NAGLU: variants seen among roughly 807,000 people sequenced by gnomAD.
NAGLU encodes alpha-N-acetylglucosaminidase.
In NAGLU, 34 loss-of-function variants were observed where a neutral mutation model predicts 43.4. That is an observed-to-expected ratio of 0.78 (90% CI 0.60 to 1.04). The LOEUF (loss-of-function observed/expected upper bound fraction) is 1.04, where lower values mean the gene tolerates loss of function less well. Ranked by LOEUF, NAGLU falls within the 50% of genes least tolerant of loss-of-function variation. NAGLU has a pLI of 0.00. For missense variants in NAGLU, 910 were observed against 993.7 expected, an observed-to-expected ratio of 0.92 and a Z score of 1.13; for synonymous variants, 425 against 437.6, an observed-to-expected ratio of 0.97 and a Z score of 0.36.
rs2092913518 is a variant in NAGLU, at chr17:42,538,600, C to T, written c.679-70C>T. On this transcript the variant is annotated intron_variant, in intron 3 of 5. Transcript: ENST00000225927. ...AACTGAGGCGGGGGGCTGCGTGTAT[C>T]CTGGGAGATGAGGGCCTTCTCATAG... 9.3e-6 allele frequency: 15 copies of T among 1,612,372 alleles called. No homozygotes were observed. In the Admixed American group the frequency reaches 2.2e-4, roughly 23 times the overall value.
In NAGLU at chr17:42,538,296, A is replaced by T. The variant is rs746923606; in HGVS notation, c.532-43A>T. On this transcript the variant is annotated intron_variant, in intron 2 of 5. Coordinates refer to ENST00000225927, the MANE Select transcript of NAGLU (RefSeq NM_000263.4). ...GGTTGTTGAATGAATGAATGAATGA[A>T]TGAAGATGAATATATTTCTATGTGT... 5.0e-6 allele frequency: 8 copies of T among 1,613,494 alleles called. 1 individual carries two copies. Among genetic ancestry groups the T allele is most frequent in the South Asian group, 4.4e-5 (4 of 91,068 alleles).
At position 42,540,524 on chromosome 17, in the gene NAGLU, G is replaced by A. The variant is rs142744739; in HGVS notation, c.765-426G>A. ...ATCCTGGCTAACACAGTGAAACTCA[G>A]TCTCTACTAAAAATACAAAAAATTA... is the stretch of plus-strand genomic sequence containing the variant. On this transcript the variant is annotated intron_variant, in intron 4 of 5. Coordinates refer to ENST00000225927, the MANE Select transcript of NAGLU (RefSeq NM_000263.4). Among the ~76,000 whole-genome samples, 437 of 151,722 alleles carry A rather than the reference G, an allele frequency of 2.9e-3. 1 individual carries two copies. The highest frequency in any genetic ancestry group is 5.0e-3 in the South Asian group (24 of 4,782).
intron 1 of NAGLU, chr17:42,536,864 C>T: frequency 2.9e-6 from 3 of 1,020,562 alleles, no homozygotes; most frequent in Non-Finnish European, 4.0e-6. Context: ...GCCTACCGTG[C>T]AGTGTTATTG....
In NAGLU at chr17:42,537,432, T is replaced by A. The variant is rs2092909557; in HGVS notation, c.418T>A (p.Tyr140Asn). 2.5e-6 allele frequency: 4 copies of A among 1,614,112 alleles called. No homozygotes were observed. The highest frequency in any genetic ancestry group is 3.4e-6 in the Non-Finnish European group (4 of 1,180,018). Residue 140 changes from tyrosine to asparagine, a missense_variant, in exon 2 of 6, where the codon TAC becomes AAC. Coordinates refer to ENST00000225927, the MANE Select transcript of NAGLU (RefSeq NM_000263.4). Reference protein sequence around the residue: ...RYYQNVCTQSYSFVWWDWARW... With the variant: ...RYYQNVCTQSNSFVWWDWARW... Reference sequence around the variant, plus strand: ...TTACCAGAATGTGTGCACGCAAAGCTACTCTTTCGTGTGGTGGGACTGGGC... The same window carrying A: ...TTACCAGAATGTGTGCACGCAAAGCAACTCTTTCGTGTGGTGGGACTGGGC...
intron 1 of NAGLU, 197 bp downstream of exon 1, chr17:42,536,852 A>G (rs1460394794): frequency 9.3e-7 from 1 of 1,080,750 alleles, no homozygotes; most frequent in Non-Finnish European, 1.2e-6. Context: ...CGGAAAGAAG[A>G]CGCCTACCGT....
At position 42,541,164 on chromosome 17, in the gene NAGLU, C is replaced by T. The variant is rs776750536; in HGVS notation, c.979C>T (p.Leu327Phe). 1 of 1,613,668 alleles carries T rather than the reference C, an allele frequency of 6.2e-7. No homozygotes were observed. Among genetic ancestry groups the T allele is most frequent in the Non-Finnish European group, 8.5e-7 (1 of 1,180,022 alleles). ...MQPPSSEPSY[L>F]AAATTAVYEA... ...GCCACCTTCCTCAGAGCCCTCCTAC[C>T]TTGCCGCAGCCACCACTGCCGTCTA... Residue 327 changes from leucine to phenylalanine, a missense_variant, in exon 5 of 6, where the codon CTT becomes TTT. Transcript: ENST00000225927.
chr17:42,536,971 C>T, intron 1 of NAGLU: 1 of 479,696 alleles, frequency 2.1e-6, no homozygotes, highest in Non-Finnish European at 3.6e-6. Flanking sequence ...TTTGAACCTG[C>T]GGACTGAGGA....
intron 5 of NAGLU, among the ~76,000 whole-genome samples, chr17:42,541,646 A>T (rs1333209683): frequency 1.3e-5 from 2 of 152,246 alleles, no homozygotes; most frequent in Non-Finnish European, 2.9e-5. Context: ...AAAGGCACTA[A>T]GTGCGCATCC....
At position 42,537,382 on chromosome 17, in the gene NAGLU, A is replaced by C. The variant is rs768251683; in HGVS notation, c.384-16A>C. Reference sequence around the variant, plus strand: ...TCCAGGGTGGGATGCGCCCCTGCTCATGACACTGCCCGCAGGTACCGCTAT... The same window carrying C: ...TCCAGGGTGGGATGCGCCCCTGCTCCTGACACTGCCCGCAGGTACCGCTAT... On this transcript the variant is annotated splice_polypyrimidine_tract_variant and intron_variant, in intron 1 of 5. Coordinates refer to ENST00000225927, the MANE Select transcript of NAGLU (RefSeq NM_000263.4). The C allele has an allele frequency of 6.2e-7, 1 of 1,614,020 alleles. No homozygotes were observed.
chr17:42,536,700 C>A (rs561228142), intron 1 of NAGLU, 45 bp downstream of exon 1: 18 of 1,386,200 alleles, frequency 1.3e-5, no homozygotes, highest in Admixed American at 3.2e-5. Flanking sequence ...GCGCTTACCC[C>A]CTCCCGGAGC....
rs140956564 is a variant in NAGLU, at chr17:42,543,470, G to A, written c.1464G>A (p.Pro488=). ...FAARRYGVSH[P]DAGAAWRLLL... is the part of the protein sequence containing the mutation. ...CCCGGCGGTATGGGGTCTCCCACCC[G>A]GACGCAGGGGCAGCGTGGAGGCTAC... The change falls in exon 6 of 6, where the codon CCG becomes CCA. Residue 488 remains proline (P), a synonymous_variant. Coordinates refer to ENST00000225927, the MANE Select transcript of NAGLU (RefSeq NM_000263.4). 4.3e-5 allele frequency: 68 copies of A among 1,599,488 alleles called. No homozygotes were observed. The African/African-American group carries it at 6.0e-4, about 14-fold the overall frequency.
chr17:42,541,333 T>C, intron 5 of NAGLU, 127 bp downstream of exon 5: 1 of 1,363,604 alleles, frequency 7.3e-7, no homozygotes, highest in Non-Finnish European at 1.0e-6. Context: ...CTTCATAGTT[T>C]ACCAAGCACG....
chr17:42,543,786 G>T lies in NAGLU; in HGVS notation c.1780G>T (p.Ala594Ser). The T allele has an allele frequency of 6.2e-7, 1 of 1,609,514 alleles. No individual in the cohort carries two copies. The highest frequency in any genetic ancestry group is 8.5e-7 in the Non-Finnish European group (1 of 1,178,912). ...CAAGGAGCTGGCCTCCCTGTTGAGG[G>T]CTGGAGGCGTCCTGGCCTATGAGCT... ...LSKELASLLR[A>S]GGVLAYELLP... The change falls in exon 6 of 6, where the codon GCT becomes TCT. Residue 594 changes from alanine (A) to serine (S), a missense_variant. Physicochemically the swap from Ala to Ser is moderately conservative, Grantham distance 99 (BLOSUM62 1). Coordinates refer to ENST00000225927, the MANE Select transcript of NAGLU (RefSeq NM_000263.4).
chr17:42,536,860 CGTGCAGTGTTATT>C (rs1274989258), intron 1 of NAGLU: 2 of 1,019,448 alleles, frequency 2.0e-6, no homozygotes, highest in African/African-American at 3.4e-5. Context: ...AGACGCCTAC[CGTGCAGTGTTATT>C]GTGAGGATTT....
intron 1 of NAGLU, chr17:42,536,891 G>C (rs1335924584): frequency 1.2e-6 from 1 of 826,470 alleles, no homozygotes; most frequent in East Asian, 3.1e-5. Context: ...TTTGCACGAT[G>C]ATGGGCATAG....
rs759609134 is a variant in NAGLU at position 42,541,169 on chromosome 17, C to T, written c.984C>T (p.Ala328=). ...CTTCCTCAGAGCCCTCCTACCTTGC[C>T]GCAGCCACCACTGCCGTCTATGAGG... ...QPPSSEPSYL[A]AATTAVYEAM... Residue 328 remains alanine (A), a synonymous_variant, in exon 5 of 6, where the codon GCC becomes GCT. Coordinates refer to ENST00000225927, the MANE Select transcript of NAGLU (RefSeq NM_000263.4). 25 of 1,613,542 alleles carry T rather than the reference C, an allele frequency of 1.5e-5. No homozygotes were observed. The highest frequency in any genetic ancestry group is 3.3e-5 in the South Asian group (3 of 91,080).
At chr17:42,537,860 TAA>T (rs908141983) in intron 2 of NAGLU, among the ~76,000 whole-genome samples, 4 of 109,014 alleles carry the variant, frequency 3.7e-5, no homozygotes, top group Middle Eastern at 5.1e-3. Flanking sequence ...AGACTCTGTC[TAA>T]AAAAAAAAAA....
At chr17:42,541,260 G>A in intron 5 of NAGLU, 54 bp downstream of exon 5, 1 of 1,603,750 alleles carries the variant, frequency 6.2e-7, no homozygotes, top group Non-Finnish European at 8.5e-7. Context: ...AAAGAAGGGA[G>A]TAGCAGATGT....
Position 42,543,718 on chromosome 17 carries a change from T to C in NAGLU, c.1712T>C (p.Leu571Pro), listed in dbSNP as rs981569636. 1.2e-6 allele frequency: 2 copies of C among 1,612,062 alleles called. No homozygotes were observed. The highest frequency in any genetic ancestry group is 1.3e-5 in the African/African-American group (1 of 74,942). ...CTCACTCGGCAGGCAGTGCAGGAGCTGGTCAGCTTGTACTATGAGGAGGCA... is the reference window on the plus strand; with the variant it reads ...CTCACTCGGCAGGCAGTGCAGGAGCCGGTCAGCTTGTACTATGAGGAGGCA... ...LDLTRQAVQE[L>P]VSLYYEEARS... Residue 571 changes from leucine to proline, a missense_variant, in exon 6 of 6, where the codon CTG becomes CCG. Transcript: ENST00000225927.
Sources: gnomAD v4.1 joint callset for allele counts (sites outside exome capture counted in the v4.1 genomes callset) on GRCh38, gnomAD v4.1.1 for gene constraint, MANE v1.5 for transcripts, NCBI Gene and HGNC (gene_info 2026-07-23, HGNC 2026-07-21) for gene names.